Variants in GOLGA6L7 observed in about 807,000 individuals in gnomAD.
GOLGA6L7 encodes golgin A6 family like 7, also known as golgin subfamily A member 6-like protein 7.
Under a neutral mutation model 68.9 loss-of-function variants are expected in GOLGA6L7, and 29 were observed. The ratio of observed to expected loss-of-function variants is 0.42; its 90% CI spans 0.31 to 0.57. GOLGA6L7 has a LOEUF of 0.57. Ranked by LOEUF, GOLGA6L7 falls within the 20% of genes least tolerant of loss-of-function variation. GOLGA6L7 has a pLI of 0.13. For missense variants in GOLGA6L7, 396 were observed against 588.4 expected (o/e 0.67, Z 3.38); for synonymous variants, 133 against 197.4 (o/e 0.67, Z 2.73).
chr15:28,847,758 A>T (rs999459409), intron 1 of GOLGA6L7, among the ~76,000 whole-genome samples: 9 of 152,242 alleles, frequency 5.9e-5, no homozygotes, highest in African/African-American at 2.2e-4. Context: ...CCCCAGGTTG[A>T]GATGAGATGA....
At chr15:28,844,408 T>G in intron 6 of GOLGA6L7, 145 bp from the exon 7 acceptor site, 1 of 387,252 alleles carries the variant, frequency 2.6e-6, no homozygotes, top group Non-Finnish European at 4.5e-6. Flanking sequence ...TCCAAACCCG[T>G]GGTGTCATTT....
intron 6 of GOLGA6L7, 59 bp downstream of exon 6, chr15:28,845,470 C>G (rs2030388976): frequency 5.7e-6 from 4 of 701,592 alleles, no homozygotes; most frequent in Non-Finnish European, 1.0e-5. Context: ...GACCTTTAGG[C>G]TCATTCCTCC....
intron 7 of GOLGA6L7, 142 bp from the exon 8 acceptor site, chr15:28,844,017 C>T: frequency 2.2e-5 from 13 of 596,094 alleles, no homozygotes; most frequent in Non-Finnish European, 3.5e-5. Flanking sequence ...AGGTGGCAGG[C>T]CAGAGAGAAG....
At position 28,845,519 on chromosome 15, in the gene GOLGA6L7, T is replaced by C; in HGVS notation, c.462+10A>G. On this transcript the variant is annotated intron_variant, in intron 6 of 8. Coordinates refer to ENST00000567390, the MANE Select transcript of GOLGA6L7 (RefSeq NM_001365371.2). Reference sequence around the variant, plus strand: ...GGCTCCCAGGGGACCGGGTAGGTGGTTGGACTCACCTTGTCCGCCCTCTCG... The same window carrying C: ...GGCTCCCAGGGGACCGGGTAGGTGGCTGGACTCACCTTGTCCGCCCTCTCG... The C allele has an allele frequency of 1.4e-6, 1 of 707,018 alleles. No homozygotes were observed. Among genetic ancestry groups the C allele is most frequent in the Non-Finnish European group, 2.6e-6 (1 of 389,180 alleles). The allele number at this position is 707,018 out of a possible 1,614,324, so 43.8% of individuals were successfully genotyped here. A position where few individuals can be genotyped will look rare whatever the true frequency, so the allele number is the denominator to read the frequency against.
intron 6 of GOLGA6L7, 100 bp downstream of exon 6, chr15:28,845,429 T>C: frequency 1.4e-6 from 1 of 700,072 alleles, no homozygotes; most frequent in Non-Finnish European, 2.6e-6. Flanking sequence ...CCATGCTGTC[T>C]TCTGGGCAGG....
chr15:28,844,655 G>A (rs998484137), intron 6 of GOLGA6L7, among the ~76,000 whole-genome samples: 2 of 148,912 alleles, frequency 1.3e-5, no homozygotes, highest in South Asian at 4.2e-4. Context: ...AGACTGAATT[G>A]ATAGCTGGCT....
At chr15:28,848,468 G>C (rs1469949817) in intron 1 of GOLGA6L7, 31 bp downstream of exon 1, 1 of 702,058 alleles carries the variant, frequency 1.4e-6, no homozygotes, top group African/African-American at 1.7e-5. Context: ...GCTGGGTTGG[G>C]GTTGGGGTGC....
At chr15:28,848,172 G>A (rs1473927436) in intron 1 of GOLGA6L7, among the ~76,000 whole-genome samples, 1 of 152,182 alleles carries the variant, frequency 6.6e-6, no homozygotes, top group Non-Finnish European at 1.5e-5. Flanking sequence ...GAGGGCAGGT[G>A]CTGGGGCATC....
In GOLGA6L7 at chr15:28,842,432, C is replaced by A. The variant is rs2030221787; in HGVS notation, c.1672G>T (p.Asp558Tyr). The change falls in exon 9 of 9, where the codon GAT becomes TAT. Residue 558 changes from aspartate (D) to tyrosine (Y), a missense_variant. By Grantham distance (160) the Asp-to-Tyr change is radical (BLOSUM62 -3). This residue lies in a region of GOLGA6L7 where 125 missense variants were observed against 163.3 expected (regional missense o/e 0.77). Coordinates refer to ENST00000567390, the MANE Select transcript of GOLGA6L7 (RefSeq NM_001365371.2). ...PCLPPSKYPS[D>Y]MSHPGSLEPA... ...TCCAGGCTGCCAGGGTGGCTCATAT[C>A]AGAAGGATATTTGGAGGGAGGGAGG... The A allele has an allele frequency of 4.3e-6, 5 of 1,163,756 alleles. No individual in the cohort carries two copies. In the South Asian group the frequency reaches 1.6e-4, roughly 37 times the overall value. 72.1% of individuals were successfully genotyped at this position (1,163,756 alleles called of 1,614,324 possible).
Position 28,842,508 on chromosome 15 carries a change from C to T in GOLGA6L7, c.1596G>A (p.Glu532=). Residue 532 remains glutamate (E), a synonymous_variant, in exon 9 of 9, where the codon GAG becomes GAA. Coordinates refer to ENST00000567390, the MANE Select transcript of GOLGA6L7 (RefSeq NM_001365371.2). Reference sequence around the variant, plus strand: ...GCGTCTTCTCCTGCTCTCCCATCCTCTCCTTCTTCTCCCGCCTCTTCTCCA... The same window carrying T: ...GCGTCTTCTCCTGCTCTCCCATCCTTTCCTTCTTCTCCCGCCTCTTCTCCA... ...RQVEKRREKK[E]RMGEQEKTQE... 1.7e-6 allele frequency: 2 copies of T among 1,198,788 alleles called. No individual in the cohort carries two copies. Among genetic ancestry groups the T allele is most frequent in the Non-Finnish European group, 2.1e-6 (2 of 950,882 alleles). The allele number at this position is 1,198,788 out of a possible 1,614,324, so 74.3% of individuals were successfully genotyped here. A position where few individuals can be genotyped will look rare whatever the true frequency, so the allele number is the denominator to read the frequency against.
At position 28,842,329 on chromosome 15, in the gene GOLGA6L7, T is replaced by C. The variant is rs1452363659; in HGVS notation, c.1775A>G (p.Lys592Arg). 2 of 1,231,128 alleles carry C rather than the reference T, an allele frequency of 1.6e-6. No homozygotes were observed. The highest frequency in any genetic ancestry group is 2.5e-4 in the Middle Eastern group (1 of 3,952). The allele number at this position is 1,231,128 out of a possible 1,614,324, so 76.3% of individuals were successfully genotyped here. A position where few individuals can be genotyped will look rare whatever the true frequency, so the allele number is the denominator to read the frequency against. The change falls in exon 9 of 9, where the codon AAG becomes AGG. Residue 592 changes from lysine (K) to arginine (R), a missense_variant. Physicochemically the swap from Lys to Arg is conservative, Grantham distance 26. Coordinates refer to ENST00000567390, the MANE Select transcript of GOLGA6L7 (RefSeq NM_001365371.2). ...AQIMQLPPGM[K>R]NAQERPGLGS... ...TAAGCCTGGGCGCTCCTGGGCGTTCTTCATTCCAGGGGGCAGCTGCATGAT... is the reference window on the plus strand; with the variant it reads ...TAAGCCTGGGCGCTCCTGGGCGTTCCTCATTCCAGGGGGCAGCTGCATGAT...
intron 6 of GOLGA6L7, among the ~76,000 whole-genome samples, chr15:28,844,755 G>A (rs899864164): frequency 6.6e-6 from 1 of 151,848 alleles, no homozygotes; most frequent in Non-Finnish European, 1.5e-5. Flanking sequence ...GCTTCACCAG[G>A]CACTATGCTA....
Position 28,846,173 on chromosome 15 carries a change from C to G in GOLGA6L7, c.210+47G>C, listed in dbSNP as rs532989310. ...CTGGGGCCTCTACATCTGAGTGCCC[C>G]CCAAACCCAGCGGTCATGTCGTGAG... On this transcript the variant is annotated intron_variant, in intron 3 of 8. Transcript: ENST00000567390. 5.5e-6 allele frequency: 4 copies of G among 726,810 alleles called. No individual in the cohort carries two copies. The East Asian group carries it at 7.7e-5, about 14-fold the overall frequency. The allele number at this position is 726,810 out of a possible 1,614,324, so 45.0% of individuals were successfully genotyped here.
chr15:28,842,337 AG>A lies in GOLGA6L7; in HGVS notation c.1766del (p.Pro589LeufsTer3). ...GGCGCTCCTGGGCGTTCTTCATTCC[AG>A]GGGGCAGCTGCATGATCTGTGCAGT... Reference protein sequence around the residue: ...NRTAQIMQLPPGMKNAQERPG... With the variant: ...NRTAQIMQLPXGMKNAQERPG... On this transcript the variant is annotated frameshift_variant, in exon 9 of 9. Coordinates refer to ENST00000567390, the MANE Select transcript of GOLGA6L7 (RefSeq NM_001365371.2). LOFTEE classifies it high-confidence loss of function. 14 of 1,231,118 alleles carry A rather than the reference AG, an allele frequency of 1.1e-5. No individual in the cohort carries two copies. The highest frequency in any genetic ancestry group is 1.4e-5 in the Non-Finnish European group (14 of 985,660). 76.3% of individuals were successfully genotyped at this position (1,231,118 alleles called of 1,614,324 possible).
In GOLGA6L7 at chr15:28,842,231, C is replaced by G. The variant is rs1461374415; in HGVS notation, c.*4G>C. On this transcript the variant is annotated 3_prime_UTR_variant, in exon 9 of 9. Transcript: ENST00000567390. ...ACTTCTGTAGGCCTTGTTGACCGTT[C>G]TTTTTAGATACTGATGATCTTGATC... 3.4e-5 allele frequency: 42 copies of G among 1,228,202 alleles called. No individual in the cohort carries two copies. In the East Asian group the frequency reaches 1.2e-3, roughly 35 times the overall value. 76.1% of individuals were successfully genotyped at this position (1,228,202 alleles called of 1,614,324 possible). A position where few individuals can be genotyped will look rare whatever the true frequency, so the allele number is the denominator to read the frequency against.
chr15:28,845,990 G>A (rs2030413134), intron 3 of GOLGA6L7, 40 bp from the exon 4 acceptor site: 1 of 1,043,982 alleles, frequency 9.6e-7, no homozygotes, highest in Non-Finnish European at 1.5e-6. Flanking sequence ...TTACTAGAGG[G>A]AGGCAGAGAT....
intron 2 of GOLGA6L7, among the ~76,000 whole-genome samples, chr15:28,846,451 C>G (rs1257627241): frequency 1.3e-5 from 2 of 152,164 alleles, no homozygotes; most frequent in African/African-American, 4.8e-5. Flanking sequence ...AGCCACAGAA[C>G]TGAAAGTCTG....
In GOLGA6L7 at chr15:28,842,417, C is replaced by G. The variant is rs1180536954; in HGVS notation, c.1687G>C (p.Gly563Arg). The G allele has an allele frequency of 8.6e-7, 1 of 1,163,906 alleles. No individual in the cohort carries two copies. Among genetic ancestry groups the G allele is most frequent in the African/African-American group, 1.6e-5 (1 of 62,618 alleles). The allele number at this position is 1,163,906 out of a possible 1,614,324, so 72.1% of individuals were successfully genotyped here. ...SKYPSDMSHP[G>R]SLEPAREAGK... ...GCCTCTCGTGCAGGCTCCAGGCTGC[C>G]AGGGTGGCTCATATCAGAAGGATAT... The change falls in exon 9 of 9, where the codon GGC becomes CGC. Residue 563 changes from glycine (G) to arginine (R), a missense_variant. Coordinates refer to ENST00000567390, the MANE Select transcript of GOLGA6L7 (RefSeq NM_001365371.2).
intron 6 of GOLGA6L7, 57 bp downstream of exon 6, chr15:28,845,472 C>T (rs200398817): frequency 1.4e-6 from 1 of 701,640 alleles, no homozygotes; most frequent in Non-Finnish European, 2.6e-6. Flanking sequence ...CCTTTAGGCT[C>T]ATTCCTCCAT....
Sources: gnomAD v4.1 joint callset for allele counts (sites outside exome capture counted in the v4.1 genomes callset) on GRCh38, gnomAD v4.1.1 for gene constraint, gnomAD v4.1.1 regional missense constraint, MANE v1.5 for transcripts, NCBI Gene and HGNC (gene_info 2026-07-23, HGNC 2026-07-21) for gene names.